The following KCNT2 variants were observed in gnomAD, a reference collection of about 807,000 sequenced individuals.
KCNT2 encodes potassium sodium-activated channel subfamily T member 2.
KCNT2 carries 67 observed loss-of-function variants against 153.8 expected under a neutral mutation model. The observed-to-expected ratio is 0.44, with a 90% CI of 0.36 to 0.53. The LOEUF is 0.53. Among genes scored for constraint, KCNT2 ranks in the 20% least tolerant of loss-of-function variants. KCNT2 has a pLI of 0.00. For synonymous variants in KCNT2, 500 were observed against 458.8 expected (o/e 1.09, Z -1.15); for missense variants, 975 against 1,354.8 (o/e 0.72, Z 4.40).
chr1:196,244,012 T>C (rs1655196455), intron 26 of KCNT2, among the ~76,000 whole-genome samples: 1 of 152,014 alleles, frequency 6.6e-6, no homozygotes, highest in Admixed American at 6.6e-5. Flanking sequence ...AGCCATAGTA[T>C]GATAGGGCAC....
chr1:196,552,489 A>G (rs1159097643), intron 1 of KCNT2, among the ~76,000 whole-genome samples: 1 of 151,458 alleles, frequency 6.6e-6, no homozygotes, highest in Admixed American at 6.6e-5. Context: ...GGATTTCATT[A>G]ACACCAGACC....
chr1:196,283,124 A>G (rs2477558), intron 23 of KCNT2, among the ~76,000 whole-genome samples: 39,145 of 152,174 alleles, frequency 0.26, 6,928 homozygotes, highest in African/African-American at 0.51. Flanking sequence ...GATTACTGGC[A>G]TAAGCCAACA....
intron 1 of KCNT2, among the ~76,000 whole-genome samples, chr1:196,566,123 A>G (rs1225495494): frequency 6.6e-6 from 1 of 152,038 alleles, no homozygotes; most frequent in African/African-American, 2.4e-5. Flanking sequence ...AGAAATAAGC[A>G]GACAGTGAAG....
chr1:196,461,160 G>A (rs1166890509), intron 8 of KCNT2, among the ~76,000 whole-genome samples: 6 of 151,680 alleles, frequency 4.0e-5, no homozygotes, highest in African/African-American at 9.7e-5. Flanking sequence ...GCTATTTGCC[G>A]TTAGACTTTA....
At chr1:196,407,689 T>A (rs989253706) in intron 12 of KCNT2, among the ~76,000 whole-genome samples, 1 of 151,578 alleles carries the variant, frequency 6.6e-6, no homozygotes, top group African/African-American at 2.4e-5. Flanking sequence ...TTTCTCATGC[T>A]GTCTGAAGGG....
At chr1:196,581,267 A>T (rs373239385) in intron 1 of KCNT2, among the ~76,000 whole-genome samples, 1 of 152,078 alleles carries the variant, frequency 6.6e-6, no homozygotes, top group South Asian at 2.1e-4. Context: ...AATTATTCTT[A>T]CATGATACTT....
chr1:196,393,108 C>A (rs1166678795), intron 13 of KCNT2, among the ~76,000 whole-genome samples: 1 of 151,400 alleles, frequency 6.6e-6, no homozygotes, highest in African/African-American at 2.4e-5. Flanking sequence ...TAGAAAATAT[C>A]TCAAGGGTAG....
intron 26 of KCNT2, among the ~76,000 whole-genome samples, chr1:196,253,850 TAAC>T (rs1253336047): frequency 1.3e-5 from 2 of 151,566 alleles, no homozygotes; most frequent in Admixed American, 1.3e-4. Flanking sequence ...CTTATTTCAA[TAAC>T]AAAAAAATTT....
chr1:196,430,573 C>T (rs895243163), intron 8 of KCNT2, among the ~76,000 whole-genome samples: 1 of 151,998 alleles, frequency 6.6e-6, no homozygotes, highest in African/African-American at 2.4e-5. Flanking sequence ...GATACGCTTC[C>T]ATTTATTATA....
chr1:196,314,181 C>T (rs900329207), intron 21 of KCNT2, among the ~76,000 whole-genome samples: 5 of 151,366 alleles, frequency 3.3e-5, no homozygotes, highest in African/African-American at 1.2e-4. Context: ...AAAGTTAAAT[C>T]AATAGAAATG....
At chr1:196,606,240 T>G (rs1337268703) in intron 1 of KCNT2, among the ~76,000 whole-genome samples, 4 of 152,196 alleles carry the variant, frequency 2.6e-5, no homozygotes, top group Admixed American at 2.6e-4. Context: ...AATGGCTGAA[T>G]GACTTTCCCA....
intron 1 of KCNT2, among the ~76,000 whole-genome samples, chr1:196,502,986 C>G (rs1364926688): frequency 6.6e-6 from 1 of 151,626 alleles, no homozygotes. Context: ...CAGGCCTGAG[C>G]CAAGCCATTA....
At chr1:196,251,540 A>C (rs1655972113) in intron 26 of KCNT2, among the ~76,000 whole-genome samples, 1 of 152,016 alleles carries the variant, frequency 6.6e-6, no homozygotes, top group Admixed American at 6.6e-5. Context: ...TATTTGTGGG[A>C]GCTAAACATT....
chr1:196,336,270 C>A (rs953074407), intron 16 of KCNT2, among the ~76,000 whole-genome samples: 4 of 152,050 alleles, frequency 2.6e-5, no homozygotes, highest in African/African-American at 9.7e-5. Context: ...CATGGCCACA[C>A]CTTAGCTTTT....
chr1:196,358,009 G>A (rs775201315), intron 14 of KCNT2, among the ~76,000 whole-genome samples: 15 of 150,942 alleles, frequency 9.9e-5, no homozygotes, highest in African/African-American at 1.5e-4. Context: ...TATTTATTAC[G>A]ACTCACACTC....
intron 1 of KCNT2, among the ~76,000 whole-genome samples, chr1:196,587,882 A>C (rs1662878787): frequency 6.6e-6 from 1 of 152,064 alleles, no homozygotes; most frequent in Admixed American, 6.6e-5. Context: ...CTGCTTATAT[A>C]CTGACATGCT....
intron 1 of KCNT2, among the ~76,000 whole-genome samples, chr1:196,565,641 A>T (rs2148935569): frequency 6.6e-6 from 1 of 150,650 alleles, no homozygotes; most frequent in East Asian, 1.9e-4. Context: ...ATCATCACTT[A>T]AAAAATGAAA....
intron 1 of KCNT2, among the ~76,000 whole-genome samples, chr1:196,589,264 A>T (rs200718240): frequency 2.6e-4 from 39 of 150,636 alleles, no homozygotes; most frequent in Admixed American, 7.3e-4. Context: ...TATAAAAAAA[A>T]GTGTGTGTGT....
chr1:196,411,829 C>A (rs935752100), intron 12 of KCNT2, among the ~76,000 whole-genome samples: 2 of 151,690 alleles, frequency 1.3e-5, no homozygotes, highest in African/African-American at 4.8e-5. Context: ...TCAGTGGATG[C>A]CTGAAATTGT....
Sources: allele counts gnomAD v4.1 joint callset (sites outside exome capture counted in the v4.1 genomes callset), GRCh38; gene constraint gnomAD v4.1.1; transcripts MANE v1.5; gene names NCBI Gene and HGNC (gene_info 2026-07-23, HGNC 2026-07-21).